The following HIVEP3 variants were observed in gnomAD, a reference collection of about 807,000 sequenced individuals.
The protein encoded by HIVEP3 is transcription factor HIVEP3.
HIVEP3 carries 49 observed loss-of-function variants against 152.8 expected under a neutral mutation model. That is an observed-to-expected ratio of 0.32 (90% CI 0.26 to 0.41). The LOEUF (loss-of-function observed/expected upper bound fraction) is 0.41, where lower values mean the gene tolerates loss of function less well. Ranked by LOEUF, HIVEP3 falls within the 10% of genes least tolerant of loss-of-function variation. The pLI is 1.00. For synonymous variants in HIVEP3, 1,269 were observed against 1,289.0 expected (o/e 0.98, Z 0.33); for missense variants, 2,790 against 3,103.3 (o/e 0.90, Z 2.40).
intron 1 of HIVEP3, among the ~76,000 whole-genome samples, chr1:41,940,462 T>C (rs1482376687): frequency 6.6e-6 from 1 of 152,246 alleles, no homozygotes. Context: ...CTTATTTATT[T>C]TATGCAATAA....
chr1:41,893,388 G>T (rs1644477161), intron 1 of HIVEP3, among the ~76,000 whole-genome samples: 1 of 152,214 alleles, frequency 6.6e-6, no homozygotes, highest in Non-Finnish European at 1.5e-5. Flanking sequence ...ACTGGGGGCA[G>T]TTTAGCCCCC....
chr1:41,971,090 TTGC>T (rs1645226230), intron 1 of HIVEP3, among the ~76,000 whole-genome samples: 1 of 152,242 alleles, frequency 6.6e-6, no homozygotes, highest in African/African-American at 2.4e-5. Flanking sequence ...AATAAATTAC[TTGC>T]TGTGCAGTTA....
At chr1:41,813,708 A>G (rs1242860865) in intron 1 of HIVEP3, among the ~76,000 whole-genome samples, 3 of 152,204 alleles carry the variant, frequency 2.0e-5, no homozygotes, top group Non-Finnish European at 4.4e-5. Context: ...ACCATAATAC[A>G]TGAGAGACCA....
intron 1 of HIVEP3, among the ~76,000 whole-genome samples, chr1:41,945,603 G>A (rs999987607): frequency 2.6e-5 from 4 of 152,164 alleles, no homozygotes; most frequent in Admixed American, 6.5e-5. Flanking sequence ...GAAAGAGAAC[G>A]ATTCCCCTCA....
chr1:41,838,672 C>T (rs1643198552), intron 1 of HIVEP3, among the ~76,000 whole-genome samples: 1 of 152,200 alleles, frequency 6.6e-6, no homozygotes, highest in African/African-American at 2.4e-5. Flanking sequence ...GAATCCTACT[C>T]TCTACCTCTC....
At chr1:41,847,666 G>A (rs1236423978) in intron 1 of HIVEP3, 1 of 152,270 alleles carries the variant, frequency 6.6e-6, no homozygotes, top group Non-Finnish European at 1.5e-5. Flanking sequence ...TAAAAAGGCG[G>A]GAGTAAGAGC....
At chr1:41,661,721 C>A (rs1238005290) in intron 2 of HIVEP3, among the ~76,000 whole-genome samples, 2 of 152,204 alleles carry the variant, frequency 1.3e-5, no homozygotes, top group African/African-American at 4.8e-5. Context: ...GCCGGGTGTG[C>A]CGTGTCCCAC....
chr1:41,802,325 C>A (rs1650356930), intron 1 of HIVEP3, among the ~76,000 whole-genome samples: 1 of 152,154 alleles, frequency 6.6e-6, no homozygotes, highest in Non-Finnish European at 1.5e-5. Flanking sequence ...AAGAGATCCT[C>A]CCGACTCAGC....
Position 41,582,322 on chromosome 1 carries a change from C to T in HIVEP3, c.2476G>A (p.Ala826Thr). ...GCAGGTGGGGGTGATGGGAACTGGG[C>T]CAGAGGTTTGTCTTCCCCTTCCAAG... The part of the protein sequence containing the change: ...SGLEGEDKPL[A>T]QFPSPPPAPH... Residue 826 changes from alanine to threonine, a missense_variant, in exon 4 of 9, where the codon GCC (alanine) becomes ACC (threonine). Around this residue, in one of 9 missense-constraint regions of HIVEP3, gnomAD observed 1,078 missense variants for 1,165.3 expected, o/e 0.93. Coordinates refer to ENST00000372583, the MANE Select transcript of HIVEP3 (RefSeq NM_024503.5). This position sits in a 1 kb window ranked among gnomAD's most constrained non-coding sequence, Gnocchi z 4.7. 6.2e-7 allele frequency: 1 copy of T among 1,614,098 alleles called. No homozygotes were observed. The highest frequency in any genetic ancestry group is 8.5e-7 in the Non-Finnish European group (1 of 1,179,986).
At chr1:41,846,093 G>C (rs1482207087) in intron 1 of HIVEP3, among the ~76,000 whole-genome samples, 1 of 152,012 alleles carries the variant, frequency 6.6e-6, no homozygotes, top group Admixed American at 6.6e-5. Context: ...AAAGTAAACT[G>C]GAAAAACCAA....
At chr1:41,772,330 G>A (rs984565815) in intron 1 of HIVEP3, among the ~76,000 whole-genome samples, 1 of 152,168 alleles carries the variant, frequency 6.6e-6, no homozygotes, top group Non-Finnish European at 1.5e-5. Flanking sequence ...TGGCTTTTTG[G>A]GGACATGAGA....
chr1:41,527,042 ACC>A (rs1378486751), intron 5 of HIVEP3, among the ~76,000 whole-genome samples: 2 of 20,804 alleles, frequency 9.6e-5, no homozygotes, highest in East Asian at 1.5e-3. Context: ...ACCCTCACAC[ACC>A]CTCTTCCTCA....
At chr1:41,645,408 C>T (rs945363265) in intron 2 of HIVEP3, among the ~76,000 whole-genome samples, 2 of 152,192 alleles carry the variant, frequency 1.3e-5, no homozygotes, top group Admixed American at 6.5e-5. Context: ...CCTCTTATTG[C>T]TCATGGTCTT....
intron 3 of HIVEP3, among the ~76,000 whole-genome samples, chr1:41,589,901 A>G (rs553045847): frequency 3.9e-5 from 6 of 152,388 alleles, no homozygotes; most frequent in Admixed American, 3.9e-4. Context: ...TGTCAAAAAT[A>G]TAAGAAAACT....
chr1:41,837,852 C>T (rs1298572918), intron 1 of HIVEP3, among the ~76,000 whole-genome samples: 2 of 152,204 alleles, frequency 1.3e-5, no homozygotes, highest in Non-Finnish European at 2.9e-5. Flanking sequence ...CATGGCACCA[C>T]CTCTGGGGAT....
At chr1:41,962,599 G>A (rs1456971327) in intron 1 of HIVEP3, among the ~76,000 whole-genome samples, 1 of 152,172 alleles carries the variant, frequency 6.6e-6, no homozygotes, top group Admixed American at 6.5e-5. Context: ...GGACCAGAAG[G>A]GATGCTGGAA....
At chr1:41,885,821 AT>A (rs1644338245) in intron 1 of HIVEP3, among the ~76,000 whole-genome samples, 1 of 119,500 alleles carries the variant, frequency 8.4e-6, no homozygotes, top group South Asian at 2.5e-4. Flanking sequence ...CTTCCTTCCT[AT>A]TTCTGAGCAC....
chr1:41,604,864 G>A (rs1644795375), intron 3 of HIVEP3, among the ~76,000 whole-genome samples: 1 of 152,050 alleles, frequency 6.6e-6, no homozygotes, highest in Non-Finnish European at 1.5e-5. Context: ...AGCATTTTGG[G>A]AGGCCGAGGT....
intron 1 of HIVEP3, among the ~76,000 whole-genome samples, chr1:41,706,471 G>A (rs1008014814): frequency 9.2e-5 from 14 of 152,176 alleles, no homozygotes; most frequent in Non-Finnish European, 1.8e-4. Context: ...TAGTAGAAGC[G>A]GGGTTTCAGC....
Sources: gnomAD v4.1 joint callset for allele counts (sites outside exome capture counted in the v4.1 genomes callset) on GRCh38, gnomAD v4.1.1 for gene constraint, gnomAD v4.1.1 regional missense constraint, Gnocchi (gnomAD v3.1) non-coding constraint, MANE v1.5 for transcripts, NCBI Gene and HGNC (gene_info 2026-07-23, HGNC 2026-07-21) for gene names.